The following NIPBL variants were observed in gnomAD, a reference collection of about 807,000 sequenced individuals.
NIPBL encodes the protein NIPBL cohesin loading factor, also known as nipped-B-like protein.
NIPBL carries 19 observed loss-of-function variants against 321.8 expected under a neutral mutation model. The ratio of observed to expected loss-of-function variants is 0.06; its 90% CI spans 0.04 to 0.09. NIPBL has a LOEUF of 0.09. Ranked by LOEUF, NIPBL falls within the 10% of genes least tolerant of loss-of-function variation. NIPBL has a pLI of 1.00. For synonymous variants in NIPBL, 1,106 were observed against 1,114.1 expected, an observed-to-expected ratio of 0.99 and a Z score of 0.14; for missense variants, 2,210 against 3,327.0, an observed-to-expected ratio of 0.66 and a Z score of 8.26.
chr5:36,922,076 CG>C (rs1748990995), intron 1 of NIPBL, among the ~76,000 whole-genome samples: 1 of 151,264 alleles, frequency 6.6e-6, no homozygotes, highest in African/African-American at 2.4e-5. Flanking sequence ...TTAGTAGAGG[CG>C]GGGTTTCACC....
rs565713991 is a variant in NIPBL, at chr5:36,881,005, C to G, written c.-80+3827C>G. Among the ~76,000 whole-genome samples the G allele has an allele frequency of 4.1e-4, 62 of 152,072 alleles. 1 individual carries two copies. In the South Asian group the frequency reaches 0.013, roughly 31 times the overall value. On this transcript the variant is annotated intron_variant, in intron 1 of 46. Coordinates refer to ENST00000282516, the MANE Select transcript of NIPBL (RefSeq NM_133433.4). ...AAATGTGTGAGCTCTGGTCTTGAAG[C>G]TAGGTATTGCTCAGTGCTGACACTG...
chr5:36,886,878 CTT>C (rs1376970755), intron 1 of NIPBL, among the ~76,000 whole-genome samples: 1 of 151,198 alleles, frequency 6.6e-6, no homozygotes, highest in Admixed American at 6.6e-5. Context: ...CCTTTTATGT[CTT>C]TTTTTTAAAT....
At chr5:37,016,561 G>A (rs1238588955) in intron 23 of NIPBL, among the ~76,000 whole-genome samples, 2 of 152,112 alleles carry the variant, frequency 1.3e-5, no homozygotes, top group South Asian at 2.1e-4. Context: ...ATGTAACACA[G>A]TAGGTAAATG....
At position 36,985,806 on chromosome 5, in the gene NIPBL, G is replaced by A; in HGVS notation, c.2626G>A (p.Asp876Asn). The A allele has an allele frequency of 6.2e-7, 1 of 1,613,870 alleles. No homozygotes were observed. Among genetic ancestry groups the A allele is most frequent in the Non-Finnish European group, 8.5e-7 (1 of 1,179,936 alleles). Residue 876 changes from aspartate (D) to asparagine (N), a missense_variant, in exon 10 of 47, where the codon GAC (aspartate) becomes AAC (asparagine). This residue lies in a region of NIPBL where 588 missense variants were observed against 564.1 expected (regional missense o/e 1.04). Transcript: ENST00000282516. ...ACGAAAACACAGGCATGAATCAGGGGACTCAAGGGAAAGACCATCTTCTGG... is the reference window on the plus strand; with the variant it reads ...ACGAAAACACAGGCATGAATCAGGGAACTCAAGGGAAAGACCATCTTCTGG... The part of the protein sequence containing the change: ...LERKHRHESG[D>N]SRERPSSGEQ...
At chr5:36,959,629 T>A (rs1741375002) in intron 4 of NIPBL, among the ~76,000 whole-genome samples, 1 of 152,170 alleles carries the variant, frequency 6.6e-6, no homozygotes, top group East Asian at 1.9e-4. Flanking sequence ...GTAGGAGTAT[T>A]AGTTTTATGA....
chr5:36,919,140 A>C (rs1748717905), intron 1 of NIPBL, among the ~76,000 whole-genome samples: 1 of 151,940 alleles, frequency 6.6e-6, no homozygotes, highest in Non-Finnish European at 1.5e-5. Context: ...ATTCGAATCC[A>C]TTTACATTTT....
Position 37,010,288 on chromosome 5 carries a change from G to A in NIPBL, c.4560+63G>A, listed in dbSNP as rs994162644. 4 of 1,288,898 alleles carry A rather than the reference G, an allele frequency of 3.1e-6. No individual in the cohort carries two copies. In the African/African-American group the frequency reaches 5.9e-5, roughly 19 times the overall value. 79.8% of individuals were successfully genotyped at this position (1,288,898 alleles called of 1,614,324 possible). On this transcript the variant is annotated intron_variant, in intron 21 of 46. Transcript: ENST00000282516. ...ATTGAAGGAAATACCTATATTCTCT[G>A]TCATTCTTATAAAACTGAAGTTCTT... is the stretch of plus-strand genomic sequence containing the variant.
At chr5:36,990,799 G>A (rs1232396099) in intron 10 of NIPBL, among the ~76,000 whole-genome samples, 1 of 152,086 alleles carries the variant, frequency 6.6e-6, no homozygotes, top group African/African-American at 2.4e-5. Context: ...ACTAAAGTTT[G>A]CTGGAGGTAT....
At chr5:37,047,984 ATT>A (rs1753152520) in intron 38 of NIPBL, among the ~76,000 whole-genome samples, 2 of 152,276 alleles carry the variant, frequency 1.3e-5, no homozygotes, top group Admixed American at 1.3e-4. Flanking sequence ...AAATGAATAT[ATT>A]TTAATTTTTT....
At chr5:37,028,852 A>ATACTC (rs1295114613) in intron 32 of NIPBL, among the ~76,000 whole-genome samples, 5 of 152,150 alleles carry the variant, frequency 3.3e-5, no homozygotes, top group African/African-American at 4.8e-5. Context: ...TTTGGTTGAT[A>ATACTC]TACTCTTAAG....
chr5:37,038,138 C>T (rs975314199), intron 33 of NIPBL, among the ~76,000 whole-genome samples: 1 of 152,030 alleles, frequency 6.6e-6, no homozygotes, highest in Non-Finnish European at 1.5e-5. Context: ...TACAAGTGCA[C>T]ATCACCACAC....
intron 9 of NIPBL, among the ~76,000 whole-genome samples, chr5:36,981,725 T>C (rs1744167264): frequency 1.3e-5 from 2 of 151,768 alleles, no homozygotes; most frequent in Admixed American, 1.3e-4. Flanking sequence ...TATTTCATCT[T>C]TTCCCAAGGT....
At position 37,059,072 on chromosome 5, in the gene NIPBL, C is replaced by T. The variant is rs1440481041; in HGVS notation, c.7592C>T (p.Ala2531Val). 43 of 1,614,032 alleles carry T rather than the reference C, an allele frequency of 2.7e-5. No homozygotes were observed. Among genetic ancestry groups the T allele is most frequent in the Non-Finnish European group, 3.5e-5 (41 of 1,179,990 alleles). The part of the protein sequence containing the change: ...SVMKCLPENS[A>V]PLIEFANVSQ... ...ATGAAATGTTTGCCAGAAAATTCAG[C>T]TCCTTTAATCGAATTTGCAAATGTG... The change falls in exon 44 of 47, where the codon GCT (alanine) becomes GTT (valine). Residue 2531 changes from alanine to valine, a missense_variant. Transcript: ENST00000282516.
At chr5:37,061,108 T>C in intron 45 of NIPBL, 90 bp downstream of exon 45, 4 of 875,526 alleles carry the variant, frequency 4.6e-6, no homozygotes, top group Non-Finnish European at 7.5e-6. Context: ...ACTATCTCCT[T>C]CACATTGAAT....
intron 1 of NIPBL, among the ~76,000 whole-genome samples, chr5:36,915,573 C>T (rs566495611): frequency 2.0e-5 from 3 of 152,150 alleles, no homozygotes; most frequent in African/African-American, 7.2e-5. Context: ...TATGAACAAA[C>T]GCCAAAGCTA....
At chr5:36,926,572 A>G (rs532921069) in intron 1 of NIPBL, among the ~76,000 whole-genome samples, 28 of 152,330 alleles carry the variant, frequency 1.8e-4, no homozygotes, top group African/African-American at 6.7e-4. Flanking sequence ...CAACATGCTT[A>G]TTTGAAAGCT....
chr5:37,024,328 C>T (rs1750014536), intron 29 of NIPBL, among the ~76,000 whole-genome samples: 3 of 151,994 alleles, frequency 2.0e-5, no homozygotes, highest in Non-Finnish European at 4.4e-5. Context: ...TTTTGACAAG[C>T]GTATACTTCT....
chr5:36,989,611 G>A (rs1192020523), intron 10 of NIPBL, among the ~76,000 whole-genome samples: 1 of 152,050 alleles, frequency 6.6e-6, no homozygotes, highest in Non-Finnish European at 1.5e-5. Flanking sequence ...GCCAAGGTGG[G>A]TGGATCATTT....
At chr5:36,891,071 C>G (rs563378939) in intron 1 of NIPBL, among the ~76,000 whole-genome samples, 1 of 152,088 alleles carries the variant, frequency 6.6e-6, no homozygotes, top group South Asian at 2.1e-4. Context: ...GGAGACCATC[C>G]TAGCTAACAC....
Sources: allele counts gnomAD v4.1 joint callset (sites outside exome capture counted in the v4.1 genomes callset), GRCh38; gene constraint gnomAD v4.1.1; regional missense constraint gnomAD v4.1.1; transcripts MANE v1.5; gene names NCBI Gene and HGNC (gene_info 2026-07-23, HGNC 2026-07-21).